The following MMP26 variants were observed in gnomAD, a reference collection of about 807,000 sequenced individuals.
MMP26 encodes the protein matrix metalloproteinase-26.
A neutral mutation model predicts 31.0 loss-of-function variants in MMP26; 33 were observed. The ratio of observed to expected loss-of-function variants is 1.06; its 90% CI spans 0.81 to 1.42. The LOEUF is 1.42. Ranked by LOEUF, MMP26 falls within the 40% of genes most tolerant of loss-of-function variation. The probability of loss-of-function intolerance (pLI) is 0.00; values close to 1 mark genes in which losing one functional copy is unlikely to be tolerated. For synonymous variants in MMP26, 122 were observed against 114.9 expected (o/e 1.06, Z -0.40); for missense variants, 347 against 316.1 (o/e 1.10, Z -0.74).
intron 2 of MMP26, among the ~76,000 whole-genome samples, chr11:4,916,632 T>C (rs1851097292): frequency 6.6e-6 from 1 of 152,192 alleles, no homozygotes; most frequent in Non-Finnish European, 1.5e-5. Flanking sequence ...CTTCCTGACA[T>C]AGAAGCTTAG....
chr11:4,803,302 G>T (rs1463107869), intron 2 of MMP26: 8 of 637,554 alleles, frequency 1.3e-5, no homozygotes, highest in African/African-American at 1.8e-5. Context: ...TGCCTCTAGA[G>T]GGTTGCTTAC....
chr11:4,781,651 T>G lies in MMP26; in HGVS notation c.-145+14310T>G, dbSNP rs562613068. ...ATTAAACTATAATTTTAATATTATT[T>G]TAAAACCATTCTGATTATATAGTGT... On this transcript the variant is annotated intron_variant, in intron 2 of 7. Coordinates refer to ENST00000380390, the MANE Select transcript of MMP26 (RefSeq NM_021801.5). Among the ~76,000 whole-genome samples the G allele has an allele frequency of 4.0e-5, 6 of 149,986 alleles. No individual in the cohort carries two copies. In the South Asian group the frequency reaches 1.3e-3, roughly 32 times the overall value.
chr11:4,710,664 T>A (rs1042070975), intron 1 of MMP26: 1 of 343,992 alleles, frequency 2.9e-6, no homozygotes, highest in South Asian at 2.3e-5. Flanking sequence ...TTTACACAGT[T>A]CTAAATGGTG....
chr11:4,798,675 T>C (rs372361875), intron 2 of MMP26, among the ~76,000 whole-genome samples: 1 of 151,986 alleles, frequency 6.6e-6, no homozygotes, highest in Non-Finnish European at 1.5e-5. Flanking sequence ...GAGGAGGAAG[T>C]GGGTATGATG....
chr11:4,826,995 G>A (rs754018017), intron 2 of MMP26, among the ~76,000 whole-genome samples: 3 of 152,118 alleles, frequency 2.0e-5, no homozygotes, highest in Non-Finnish European at 2.9e-5. Flanking sequence ...TACATGCATG[G>A]ATACCAAGTG....
intron 2 of MMP26, among the ~76,000 whole-genome samples, chr11:4,873,151 C>T (rs992565522): frequency 3.9e-5 from 6 of 152,102 alleles, no homozygotes; most frequent in African/African-American, 1.4e-4. Context: ...TTCCTTGGTT[C>T]ATGAGATCTT....
At chr11:4,875,090 T>G (rs540404140) in intron 2 of MMP26, 1 of 152,252 alleles carries the variant, frequency 6.6e-6, no homozygotes, top group Admixed American at 6.5e-5. Flanking sequence ...TCTCCATGGA[T>G]GGCTTTAATC....
intron 2 of MMP26, among the ~76,000 whole-genome samples, chr11:4,879,662 G>A (rs916240385): frequency 7.2e-5 from 11 of 152,214 alleles, no homozygotes; most frequent in Admixed American, 3.3e-4. Context: ...AAGACAATGC[G>A]TTTGAAAGAT....
chr11:4,890,964 T>C (rs933207560), intron 2 of MMP26, among the ~76,000 whole-genome samples: 1 of 142,550 alleles, frequency 7.0e-6, no homozygotes, highest in African/African-American at 2.6e-5. Flanking sequence ...CCTTCCCTGA[T>C]CTGGAATGAA....
intron 2 of MMP26, among the ~76,000 whole-genome samples, chr11:4,941,599 A>G (rs965148326): frequency 2.2e-4 from 34 of 152,202 alleles, no homozygotes; most frequent in African/African-American, 7.0e-4. Flanking sequence ...ATTTTCAATA[A>G]GTTCCAAGGT....
At chr11:4,747,477 G>T (rs1848395965) in intron 1 of MMP26, among the ~76,000 whole-genome samples, 1 of 152,178 alleles carries the variant, frequency 6.6e-6, no homozygotes, top group African/African-American at 2.4e-5. Flanking sequence ...TCAAAACTGT[G>T]CAATGGTTAC....
chr11:4,933,778 G>A (rs1306152166), intron 2 of MMP26, among the ~76,000 whole-genome samples: 1 of 138,732 alleles, frequency 7.2e-6, no homozygotes, highest in Non-Finnish European at 1.5e-5. Context: ...CTGTGTCCAT[G>A]TGATCTCATT....
At position 4,740,032 on chromosome 11, in the gene MMP26, A is replaced by G. The variant is rs191859109; in HGVS notation, c.-216-27238A>G. On this transcript the variant is annotated intron_variant, in intron 1 of 7. Coordinates refer to ENST00000380390, the MANE Select transcript of MMP26 (RefSeq NM_021801.5). The stretch of plus-strand genomic sequence containing the variant: ...ATTTCAGGTATGGATTATAGTGAGT[A>G]TGGAATAGCCACTTTGCTGATTATG... Among the ~76,000 whole-genome samples, 397 of 152,336 alleles carry G rather than the reference A, an allele frequency of 2.6e-3. 2 individuals carry two copies. Among genetic ancestry groups the G allele is most frequent in the Non-Finnish European group, 4.7e-3 (322 of 68,026 alleles).
chr11:4,799,785 C>G (rs76169997), intron 2 of MMP26, among the ~76,000 whole-genome samples: 1,754 of 152,232 alleles, frequency 0.012, 16 homozygotes, highest in Middle Eastern at 0.031. Flanking sequence ...ATTCCCAATC[C>G]AAAAGAGAGA....
At chr11:4,958,647 T>C (rs796613940) in intron 2 of MMP26, among the ~76,000 whole-genome samples, 7 of 152,350 alleles carry the variant, frequency 4.6e-5, no homozygotes, top group African/African-American at 1.7e-4. Context: ...GTATTTTTCT[T>C]TCTCCTGTAT....
Position 4,713,533 on chromosome 11 carries a change from T to A in MMP26, c.-217+8488T>A, listed in dbSNP as rs1847888525. Among the ~76,000 whole-genome samples the A allele has an allele frequency of 2.0e-5, 3 of 152,284 alleles. No homozygotes were observed. In the South Asian group the frequency reaches 6.2e-4, roughly 32 times the overall value. On this transcript the variant is annotated intron_variant, in intron 1 of 7. Transcript: ENST00000380390. ...CTCATTGTAAACACTGAGTTTTATG[T>A]CTGTTTCCACAGGTGGTTCCCTCCA...
chr11:4,848,408 C>A (rs542556778), intron 2 of MMP26: 2 of 1,613,944 alleles, frequency 1.2e-6, no homozygotes, highest in African/African-American at 2.7e-5. Context: ...GATGGTTAAT[C>A]AGTGCCAGGA....
chr11:4,968,229 T>C (rs1846621171), intron 2 of MMP26, among the ~76,000 whole-genome samples: 1 of 152,152 alleles, frequency 6.6e-6, no homozygotes, highest in African/African-American at 2.4e-5. Context: ...TAACTTTATA[T>C]GATTGCTGAA....
intron 2 of MMP26, among the ~76,000 whole-genome samples, chr11:4,883,885 A>T (rs1850512942): frequency 6.6e-6 from 1 of 152,046 alleles, no homozygotes. Flanking sequence ...ATTTCATCCT[A>T]CCTAGGATAA....
Sources: allele counts gnomAD v4.1 joint callset (sites outside exome capture counted in the v4.1 genomes callset), GRCh38; gene constraint gnomAD v4.1.1; transcripts MANE v1.5; gene names NCBI Gene and HGNC (gene_info 2026-07-23, HGNC 2026-07-21).